Variants in CD226 observed in about 807,000 individuals in gnomAD.
The protein encoded by CD226 is CD226 antigen.
In CD226, 24 loss-of-function variants were observed where a neutral mutation model predicts 34.9. The ratio of observed to expected loss-of-function variants is 0.69; its 90% CI spans 0.50 to 0.97. The LOEUF is 0.97. CD226 is among the 50% of genes least tolerant of loss of function. CD226 has a pLI of 0.00. For synonymous variants in CD226, 148 were observed against 147.4 expected (o/e 1.00, Z -0.03); for missense variants, 397 against 412.7 (o/e 0.96, Z 0.33).
chr18:69,919,478 C>A (rs1056718082), intron 2 of CD226, among the ~76,000 whole-genome samples: 1 of 152,014 alleles, frequency 6.6e-6, no homozygotes, highest in Non-Finnish European at 1.5e-5. Context: ...AAAGGATCAT[C>A]CAGGAAGTAG....
chr18:69,883,671 CATGTCATTACTT>C, intron 3 of CD226, among the ~76,000 whole-genome samples: 1 of 152,318 alleles, frequency 6.6e-6, no homozygotes, highest in East Asian at 1.9e-4. Context: ...GTATATAAGA[CATGTCATTACTT>C]ATTGCCTACA....
intron 2 of CD226, among the ~76,000 whole-genome samples, chr18:69,907,055 T>G (rs1385536287): frequency 6.6e-6 from 1 of 152,156 alleles, no homozygotes; most frequent in African/African-American, 2.4e-5. Flanking sequence ...TAGAGTTTGC[T>G]TTTCCTGACC....
In CD226 at chr18:69,854,944, C is replaced by T. The variant is rs1982569504; in HGVS notation, c.*9370G>A. 1 of 152,242 alleles carries T rather than the reference C, an allele frequency of 6.6e-6. No homozygotes were observed. The highest frequency in any genetic ancestry group is 1.5e-5 in the Non-Finnish European group (1 of 68,100). The allele number at this position is 152,242 out of a possible 1,614,324, so 9.4% of individuals were successfully genotyped here. The stretch of plus-strand genomic sequence containing the variant: ...AGCCTGAACTCAAGAAGGGGAAAAA[C>T]ACATGAACAAACAAAACAAAGACAC... On this transcript the variant is annotated 3_prime_UTR_variant, in exon 6 of 6. Transcript: ENST00000582621.
At chr18:69,892,722 C>T (rs1476466143) in intron 3 of CD226, among the ~76,000 whole-genome samples, 1 of 151,756 alleles carries the variant, frequency 6.6e-6, no homozygotes, top group Non-Finnish European at 1.5e-5. Flanking sequence ...TGAATGCAGG[C>T]AGGTAGGAGT....
chr18:69,881,311 A>C (rs1330282470), intron 3 of CD226, among the ~76,000 whole-genome samples: 2 of 152,202 alleles, frequency 1.3e-5, no homozygotes, highest in Non-Finnish European at 2.9e-5. Context: ...GGTCATACAA[A>C]GTTTTGACCT....
At chr18:69,875,574 C>A (rs904789101) in intron 3 of CD226, among the ~76,000 whole-genome samples, 10 of 152,208 alleles carry the variant, frequency 6.6e-5, no homozygotes, top group African/African-American at 2.4e-4. Flanking sequence ...TTTTTGATAA[C>A]AGCCATTCTA....
intron 2 of CD226, among the ~76,000 whole-genome samples, chr18:69,925,693 T>TA (rs377630615): frequency 2.6e-5 from 4 of 152,156 alleles, no homozygotes; most frequent in African/African-American, 9.7e-5. Context: ...ATTACTAAAA[T>TA]AGACTTCTGC....
In CD226 at chr18:69,858,091, A is replaced by G. The variant is rs1982662831; in HGVS notation, c.*6223T>C. 1 of 152,226 alleles carries G rather than the reference A, an allele frequency of 6.6e-6. No individual in the cohort carries two copies. The highest frequency in any genetic ancestry group is 6.5e-5 in the Admixed American group (1 of 15,290). 9.4% of individuals were successfully genotyped at this position (152,226 alleles called of 1,614,324 possible). A position where few individuals can be genotyped will look rare whatever the true frequency, so the allele number is the denominator to read the frequency against. On this transcript the variant is annotated 3_prime_UTR_variant, in exon 6 of 6. Coordinates refer to ENST00000582621, the MANE Select transcript of CD226 (RefSeq NM_001303618.2). ...ACCCTAATATCCAAATGCAATGTCA[A>G]TAGTGTTACTAAAAATGAACTATCG...
chr18:69,889,500 AAAC>A (rs780655145), intron 3 of CD226, among the ~76,000 whole-genome samples: 2 of 148,860 alleles, frequency 1.3e-5, no homozygotes, highest in Non-Finnish European at 3.0e-5. Context: ...AAAAAAAAAA[AAAC>A]TGTCTTGTCT....
At position 69,881,084 on chromosome 18, in the gene CD226, T is replaced by G. The variant is rs1435263650; in HGVS notation, c.728-7838A>C. Among the ~76,000 whole-genome samples the G allele has an allele frequency of 2.6e-5, 4 of 152,236 alleles. No homozygotes were observed. In the East Asian group the frequency reaches 5.8e-4, roughly 22 times the overall value. On this transcript the variant is annotated intron_variant, in intron 3 of 5. Coordinates refer to ENST00000582621, the MANE Select transcript of CD226 (RefSeq NM_001303618.2). ...GAAGTGGTGGATATGTTAATTGGCT[T>G]GATTTAATCACTCTACATTGTATAC...
chr18:69,896,064 T>C lies in CD226; in HGVS notation c.383-19A>G, dbSNP rs770911574. On this transcript the variant is annotated intron_variant, in intron 2 of 5. Coordinates refer to ENST00000582621, the MANE Select transcript of CD226 (RefSeq NM_001303618.2). ...AAACTATCTGAAAAGAAGAAGCAAA[T>C]GATTAGATACAGGTTGTCAAATTTT... 3.1e-5 allele frequency: 50 copies of C among 1,595,528 alleles called. No individual in the cohort carries two copies. Among genetic ancestry groups the C allele is most frequent in the Non-Finnish European group, 3.9e-5 (46 of 1,173,346 alleles).
At chr18:69,941,615 G>A (rs1001016837) in intron 2 of CD226, among the ~76,000 whole-genome samples, 3 of 152,204 alleles carry the variant, frequency 2.0e-5, no homozygotes, top group African/African-American at 7.2e-5. Flanking sequence ...TAGAATTGGT[G>A]TATTTATCCA....
intron 3 of CD226, among the ~76,000 whole-genome samples, chr18:69,873,785 C>A (rs1015209345): frequency 6.6e-6 from 1 of 152,144 alleles, no homozygotes; most frequent in African/African-American, 2.4e-5. Context: ...GCACGAGACT[C>A]ATTTGAACCC....
In CD226 at chr18:69,855,012, C is replaced by T. The variant is rs567231994; in HGVS notation, c.*9302G>A. The T allele has an allele frequency of 6.6e-6, 1 of 152,282 alleles. No homozygotes were observed. Among genetic ancestry groups the T allele is most frequent in the South Asian group, 2.1e-4 (1 of 4,822 alleles). The allele number at this position is 152,282 out of a possible 1,614,324, so 9.4% of individuals were successfully genotyped here. A position where few individuals can be genotyped will look rare whatever the true frequency, so the allele number is the denominator to read the frequency against. On this transcript the variant is annotated 3_prime_UTR_variant, in exon 6 of 6. Transcript: ENST00000582621. ...ATTTAGCACCTATGGTTATAACAGA[C>T]TTTAAACACAGTCTAATAGTTAGTC...
chr18:69,940,677 T>C (rs980372243), intron 2 of CD226, among the ~76,000 whole-genome samples: 3 of 152,102 alleles, frequency 2.0e-5, no homozygotes, highest in Non-Finnish European at 4.4e-5. Flanking sequence ...CAGAAGAAAC[T>C]TCTAAGGGGC....
rs1024602529 is a variant in CD226, at chr18:69,855,697, A to G, written c.*8617T>C. 1.3e-5 allele frequency: 2 copies of G among 152,050 alleles called. No homozygotes were observed. The highest frequency in any genetic ancestry group is 4.8e-5 in the African/African-American group (2 of 41,416). The allele number at this position is 152,050 out of a possible 1,614,324, so 9.4% of individuals were successfully genotyped here. ...AAAGATATGCCACGAGAGAAAATTA[A>G]ATCATGTAAAAACCCCAGTTAAAAT... is the stretch of plus-strand genomic sequence containing the variant. On this transcript the variant is annotated 3_prime_UTR_variant, in exon 6 of 6. Transcript: ENST00000582621.
At chr18:69,948,380 G>C (rs1262575963), upstream of CD226, among the ~76,000 whole-genome samples, 1 of 152,166 alleles carries the variant, frequency 6.6e-6, no homozygotes, top group East Asian at 1.9e-4. Flanking sequence ...AAATGCATTT[G>C]ACCCTGGTAA....
intron 2 of CD226, among the ~76,000 whole-genome samples, chr18:69,899,897 C>A (rs1985503731): frequency 6.6e-6 from 1 of 152,194 alleles, no homozygotes; most frequent in African/African-American, 2.4e-5. Context: ...AAAAGCAGAA[C>A]TACCATTTGA....
chr18:69,910,659 T>C (rs2055312661), intron 2 of CD226, among the ~76,000 whole-genome samples: 1 of 152,192 alleles, frequency 6.6e-6, no homozygotes, highest in Non-Finnish European at 1.5e-5. Context: ...AGTCTAGAGC[T>C]GAGTTAACGG....
Sources: gnomAD v4.1 joint callset for allele counts (sites outside exome capture counted in the v4.1 genomes callset) on GRCh38, gnomAD v4.1.1 for gene constraint, MANE v1.5 for transcripts, NCBI Gene and HGNC (gene_info 2026-07-23, HGNC 2026-07-21) for gene names.